HECW2: variants seen among roughly 807,000 people sequenced by gnomAD.
HECW2 encodes E3 ubiquitin-protein ligase HECW2.
In HECW2, 61 loss-of-function variants were observed where a neutral mutation model predicts 175.2. The ratio of observed to expected loss-of-function variants is 0.35; its 90% CI spans 0.28 to 0.43. The LOEUF is 0.43. HECW2 is among the 20% of genes least tolerant of loss of function. HECW2 has a pLI of 1.00. For synonymous variants in HECW2, 671 were observed against 731.0 expected, an observed-to-expected ratio of 0.92 and a Z score of 1.32; for missense variants, 1,524 against 2,000.5, an observed-to-expected ratio of 0.76 and a Z score of 4.54.
rs535926548 is a variant in HECW2, at chr2:196,573,223, C to A, written c.-36+20285G>T. 4.0e-5 allele frequency among the ~76,000 whole-genome samples: 6 copies of A among 149,064 alleles called. No individual in the cohort carries two copies. In the South Asian group the frequency reaches 1.3e-3, roughly 32 times the overall value. The stretch of plus-strand genomic sequence containing the variant: ...TAAAGACCCCCAGAAATTTGTTTCT[C>A]CATAAAAGCAATAAGAATGCTGACC... On this transcript the variant is annotated intron_variant, in intron 1 of 28. Coordinates refer to ENST00000644978, the MANE Select transcript of HECW2 (RefSeq NM_001348768.2).
intron 1 of HECW2, among the ~76,000 whole-genome samples, chr2:196,591,917 T>C (rs1328613847): frequency 9.2e-5 from 14 of 152,220 alleles, no homozygotes; most frequent in African/African-American, 3.4e-4. Flanking sequence ...TGTGTCATTT[T>C]AAAGATAACC....
At chr2:196,244,321 A>G (rs551094490) in intron 19 of HECW2, among the ~76,000 whole-genome samples, 2 of 152,358 alleles carry the variant, frequency 1.3e-5, no homozygotes, top group East Asian at 3.9e-4. Context: ...CTAGTCCTAT[A>G]GATCCCAGTT....
At chr2:196,546,336 A>G (rs550185812) in intron 1 of HECW2, among the ~76,000 whole-genome samples, 1 of 152,282 alleles carries the variant, frequency 6.6e-6, no homozygotes, top group African/African-American at 2.4e-5. Context: ...CCCCTACTAG[A>G]CTTCAGATGA....
intron 1 of HECW2, among the ~76,000 whole-genome samples, chr2:196,523,414 T>A (rs1418363902): frequency 6.6e-6 from 1 of 152,050 alleles, no homozygotes; most frequent in African/African-American, 2.4e-5. Flanking sequence ...AATCATGCCG[T>A]CTGCAAACAG....
chr2:196,434,204 C>T (rs756812846), intron 1 of HECW2, among the ~76,000 whole-genome samples: 3 of 152,172 alleles, frequency 2.0e-5, no homozygotes, highest in Non-Finnish European at 2.9e-5. Context: ...ACAACAGTGC[C>T]TGCTACACGG....
chr2:196,268,472 GAAAAC>G (rs754003162), intron 17 of HECW2, among the ~76,000 whole-genome samples: 1 of 152,106 alleles, frequency 6.6e-6, no homozygotes, highest in African/African-American at 2.4e-5. Context: ...AAAGCAGAAA[GAAAAC>G]AAAACAAAAC....
At chr2:196,366,683 C>A (rs541363811) in intron 2 of HECW2, among the ~76,000 whole-genome samples, 61 of 152,132 alleles carry the variant, frequency 4.0e-4, no homozygotes, top group African/African-American at 1.4e-3. Flanking sequence ...ATATTAACAT[C>A]AAGAGTATTA....
At chr2:196,532,041 C>T (rs971986214) in intron 1 of HECW2, among the ~76,000 whole-genome samples, 1 of 152,232 alleles carries the variant, frequency 6.6e-6, no homozygotes, top group African/African-American at 2.4e-5. Context: ...ACACAACTGG[C>T]ATCTAACATT....
chr2:196,275,968 G>A (rs751953615), intron 15 of HECW2, among the ~76,000 whole-genome samples: 80 of 152,288 alleles, frequency 5.3e-4, no homozygotes, highest in Non-Finnish European at 8.4e-4. Flanking sequence ...TGCTTCTCTT[G>A]AGTTACTGGC....
chr2:196,590,413 G>T (rs1691146350), intron 1 of HECW2, among the ~76,000 whole-genome samples: 1 of 152,096 alleles, frequency 6.6e-6, no homozygotes, highest in African/African-American at 2.4e-5. Context: ...AGCTGGAAAG[G>T]TTTTCACCCA....
At chr2:196,353,310 G>A (rs781037849) in intron 2 of HECW2, among the ~76,000 whole-genome samples, 24 of 152,126 alleles carry the variant, frequency 1.6e-4, no homozygotes, top group East Asian at 7.7e-4. Context: ...ATTTTGAAAC[G>A]CAAGTCTTCC....
chr2:196,538,650 AC>A (rs1184499472), intron 1 of HECW2, among the ~76,000 whole-genome samples: 16 of 152,096 alleles, frequency 1.1e-4, no homozygotes, highest in African/African-American at 3.9e-4. Flanking sequence ...GAAAAAAATG[AC>A]TTGTCTTATT....
At chr2:196,375,937 A>G (rs59426571) in intron 2 of HECW2, among the ~76,000 whole-genome samples, 3,628 of 152,306 alleles carry the variant, frequency 0.024, 150 homozygotes, top group African/African-American at 0.083. Flanking sequence ...TTTCGCATGT[A>G]CCTTCTTATG....
intron 2 of HECW2, among the ~76,000 whole-genome samples, chr2:196,373,911 A>G (rs1312729064): frequency 6.6e-6 from 1 of 151,306 alleles, no homozygotes; most frequent in Non-Finnish European, 1.5e-5. Flanking sequence ...GGGCGCCTGT[A>G]GTCCCAGCTA....
chr2:196,576,996 C>T (rs1690585572), intron 1 of HECW2, among the ~76,000 whole-genome samples: 1 of 152,162 alleles, frequency 6.6e-6, no homozygotes. Context: ...TGGCTGAAGA[C>T]TCTTCAACAA....
chr2:196,287,865 T>A (rs996824988), intron 14 of HECW2, among the ~76,000 whole-genome samples: 1 of 152,200 alleles, frequency 6.6e-6, no homozygotes, highest in African/African-American at 2.4e-5. Context: ...CTTCAACCCA[T>A]CATTTAAGGC....
intron 2 of HECW2, among the ~76,000 whole-genome samples, chr2:196,420,415 G>T (rs1238178831): frequency 6.6e-6 from 1 of 152,196 alleles, no homozygotes; most frequent in Non-Finnish European, 1.5e-5. Flanking sequence ...GCGTAAGATT[G>T]GTTTAAGGCC....
At chr2:196,415,512 C>T (rs751766498) in intron 2 of HECW2, among the ~76,000 whole-genome samples, 4 of 149,144 alleles carry the variant, frequency 2.7e-5, no homozygotes, top group Non-Finnish European at 5.9e-5. Context: ...GTGGGAAAGC[C>T]CTGATGTGTA....
intron 2 of HECW2, among the ~76,000 whole-genome samples, chr2:196,390,485 G>A (rs191008328): frequency 6.6e-6 from 1 of 152,094 alleles, no homozygotes; most frequent in Admixed American, 6.5e-5. Flanking sequence ...AGCAAAAGTC[G>A]CTGCATGGAA....
Sources: allele counts gnomAD v4.1 joint callset (sites outside exome capture counted in the v4.1 genomes callset), GRCh38; gene constraint gnomAD v4.1.1; transcripts MANE v1.5; gene names NCBI Gene and HGNC (gene_info 2026-07-23, HGNC 2026-07-21).